CNOT8: variants seen among roughly 807,000 people sequenced by gnomAD.
CNOT8 encodes CCR4-NOT transcription complex subunit 8.
In CNOT8, 18 loss-of-function variants were observed where a neutral mutation model predicts 34.6. The observed-to-expected ratio is 0.52, with a 90% CI of 0.36 to 0.77. The LOEUF (loss-of-function observed/expected upper bound fraction) is 0.77. CNOT8 is among the 30% of genes least tolerant of loss of function. CNOT8 has a pLI of 0.00. For synonymous variants in CNOT8, 101 were observed against 118.8 expected (o/e 0.85, Z 0.98); for missense variants, 189 against 347.9 (o/e 0.54, Z 3.63).
chr5:154,869,628 T>G (rs1183455075), intron 3 of CNOT8, among the ~76,000 whole-genome samples: 2 of 25,868 alleles, frequency 7.7e-5, no homozygotes, highest in African/African-American at 1.9e-4. Flanking sequence ...TTTTTTGTGT[T>G]TTTTTTTTTT....
chr5:154,869,432 T>G (rs1213925093), intron 3 of CNOT8, among the ~76,000 whole-genome samples: 7 of 150,820 alleles, frequency 4.6e-5, no homozygotes, highest in East Asian at 2.0e-4. Context: ...TTGGTTTTTT[T>G]TTTTTTTTTT....
At chr5:154,870,095 A>G (rs1762334445) in intron 3 of CNOT8, among the ~76,000 whole-genome samples, 1 of 152,156 alleles carries the variant, frequency 6.6e-6, no homozygotes, top group African/African-American at 2.4e-5. Context: ...TTGCTCTGTC[A>G]CCTAGACTAG....
intron 3 of CNOT8, chr5:154,870,362 G>A (rs1762374100): frequency 5.0e-6 from 1 of 201,184 alleles, no homozygotes. Flanking sequence ...GGGATTACAG[G>A]CGTGCACCAC....
chr5:154,870,872 G>T (rs1328745416), intron 4 of CNOT8, 50 bp downstream of exon 4: 1 of 1,490,356 alleles, frequency 6.7e-7, no homozygotes, highest in East Asian at 2.4e-5. Flanking sequence ...CTACACTGAA[G>T]CAGGGAATTG....
At chr5:154,865,868 G>C (rs1164241968) in intron 3 of CNOT8, among the ~76,000 whole-genome samples, 3 of 152,136 alleles carry the variant, frequency 2.0e-5, no homozygotes, top group Admixed American at 1.3e-4. Context: ...TCCACTCCTA[G>C]GCAGTGGAAA....
intron 3 of CNOT8, 97 bp downstream of exon 3, chr5:154,865,482 G>A: frequency 1.4e-6 from 1 of 730,138 alleles, no homozygotes; most frequent in East Asian, 3.0e-5. Flanking sequence ...GACGGAACAG[G>A]GAATCTCAGC....
At position 154,876,246 on chromosome 5, in the gene CNOT8, A is replaced by G. The variant is rs985529190; in HGVS notation, c.*807A>G. 3.9e-5 allele frequency: 6 copies of G among 152,232 alleles called. No individual in the cohort carries two copies. Among genetic ancestry groups the G allele is most frequent in the Non-Finnish European group, 7.3e-5 (5 of 68,040 alleles). The allele number at this position is 152,232 out of a possible 1,614,324, so 9.4% of individuals were successfully genotyped here. A position where few individuals can be genotyped will look rare whatever the true frequency, so the allele number is the denominator to read the frequency against. Reference sequence around the variant, plus strand: ...CCTGGATTTGATCCTGAAGGAAACTAGTAAGATCAGATTTTTGGGTCATGT... The same window carrying G: ...CCTGGATTTGATCCTGAAGGAAACTGGTAAGATCAGATTTTTGGGTCATGT... On this transcript the variant is annotated 3_prime_UTR_variant, in exon 7 of 7. Transcript: ENST00000285896.
intron 3 of CNOT8, 139 bp downstream of exon 3, chr5:154,865,524 C>T (rs1047868818): frequency 1.9e-6 from 1 of 537,118 alleles, no homozygotes; most frequent in Non-Finnish European, 3.1e-6. Flanking sequence ...ACTGCAGCAG[C>T]TCAACAATGA....
intron 6 of CNOT8, 21 bp downstream of exon 6, chr5:154,872,672 T>A: frequency 6.7e-7 from 1 of 1,493,304 alleles, no homozygotes; most frequent in Non-Finnish European, 9.3e-7. Flanking sequence ...TTGAATGTGA[T>A]CACAGGCCTC....
At chr5:154,862,161 A>G (rs968157196) in intron 1 of CNOT8, among the ~76,000 whole-genome samples, 1 of 152,108 alleles carries the variant, frequency 6.6e-6, no homozygotes, top group African/African-American at 2.4e-5. Flanking sequence ...TGGTTGAATG[A>G]TTTACACCAG....
chr5:154,859,383 T>G (rs1373517895), intron 1 of CNOT8: 1 of 152,150 alleles, frequency 6.6e-6, no homozygotes, highest in East Asian at 1.9e-4. Context: ...TTTCTTGGTG[T>G]TCTATGGCTT....
In CNOT8 at chr5:154,870,741, T is replaced by C; in HGVS notation, c.392T>C (p.Ile131Thr). 2 of 1,614,102 alleles carry C rather than the reference T, an allele frequency of 1.2e-6. No individual in the cohort carries two copies. Among genetic ancestry groups the C allele is most frequent in the Non-Finnish European group, 1.7e-6 (2 of 1,179,950 alleles). ...TTTCAGAAGCATGAAGAGGAAGGGATTGACACACTGCACTTTGCAGAGCTG... is the reference window on the plus strand; with the variant it reads ...TTTCAGAAGCATGAAGAGGAAGGGACTGACACACTGCACTTTGCAGAGCTG... Reference protein sequence around the residue: ...LQFQKHEEEGIDTLHFAELLM... With the variant: ...LQFQKHEEEGTDTLHFAELLM... The change falls in exon 4 of 7, where the codon ATT becomes ACT. Residue 131 changes from isoleucine to threonine, a missense_variant. By Grantham distance (89) the Ile-to-Thr change is moderately conservative. Around this residue, in one of 2 missense-constraint regions of CNOT8, gnomAD observed 160 missense variants for 321.9 expected, o/e 0.50. Coordinates refer to ENST00000285896, the MANE Select transcript of CNOT8 (RefSeq NM_001301073.2).
rs1275740257 is a variant in CNOT8 at position 154,870,659 on chromosome 5, A to G, written c.312-2A>G. ...TTAATAAATAAACACCTTGTTTTTT[A>G]GAGAGGACATGTACTCCCAGGATTC... On this transcript the variant is annotated splice_acceptor_variant, in intron 3 of 6. Coordinates refer to ENST00000285896, the MANE Select transcript of CNOT8 (RefSeq NM_001301073.2). LOFTEE classifies it high-confidence loss of function. 1 of 1,607,550 alleles carries G rather than the reference A, an allele frequency of 6.2e-7. No individual in the cohort carries two copies. The highest frequency in any genetic ancestry group is 2.2e-5 in the East Asian group (1 of 44,794).
chr5:154,868,584 A>G (rs1317781132), intron 3 of CNOT8, among the ~76,000 whole-genome samples: 1 of 152,158 alleles, frequency 6.6e-6, no homozygotes, highest in Admixed American at 6.5e-5. Context: ...CTTCATAAGA[A>G]TATAACTTGA....
chr5:154,874,100 G>A (rs1034394650), intron 6 of CNOT8, among the ~76,000 whole-genome samples: 5 of 152,186 alleles, frequency 3.3e-5, no homozygotes, highest in Non-Finnish European at 1.5e-5. Flanking sequence ...CCAAGGTCAA[G>A]TGAGTCCGGC....
At chr5:154,862,570 AC>A (rs1761453864) in intron 1 of CNOT8, among the ~76,000 whole-genome samples, 2 of 152,184 alleles carry the variant, frequency 1.3e-5, no homozygotes, top group South Asian at 4.1e-4. Flanking sequence ...TAAATCCCTC[AC>A]TTCATGCTCT....
At chr5:154,866,756 T>TA (rs1387287453) in intron 3 of CNOT8, among the ~76,000 whole-genome samples, 7 of 151,764 alleles carry the variant, frequency 4.6e-5, no homozygotes, top group Non-Finnish European at 1.0e-4. Flanking sequence ...CTACTAAAAA[T>TA]AAAAAAATTA....
intron 5 of CNOT8, 92 bp downstream of exon 5, chr5:154,871,966 T>C (rs1252213159): frequency 9.3e-7 from 1 of 1,071,208 alleles, no homozygotes; most frequent in Non-Finnish European, 1.4e-6. Flanking sequence ...CATGCATTTT[T>C]GAGTACTAGA....
chr5:154,869,123 TA>T (rs1215700803), intron 3 of CNOT8, among the ~76,000 whole-genome samples: 14 of 151,842 alleles, frequency 9.2e-5, no homozygotes, highest in Admixed American at 9.2e-4. Flanking sequence ...TTTGTTGGTT[TA>T]TTTTTTTTTT....
Sources: gnomAD v4.1 joint callset for allele counts (sites outside exome capture counted in the v4.1 genomes callset) on GRCh38, gnomAD v4.1.1 for gene constraint, gnomAD v4.1.1 regional missense constraint, MANE v1.5 for transcripts, NCBI Gene and HGNC (gene_info 2026-07-23, HGNC 2026-07-21) for gene names.